AK8: variants seen among roughly 807,000 people sequenced by gnomAD.
AK8 encodes adenylate kinase 8, also known as ATP-AMP transphosphorylase 8.
In AK8, 44 loss-of-function variants were observed where a neutral mutation model predicts 54.6. The observed-to-expected ratio is 0.81, with a 90% CI of 0.63 to 1.04. The LOEUF (loss-of-function observed/expected upper bound fraction) is 1.04. Among genes scored for constraint, AK8 ranks in the 50% least tolerant of loss-of-function variants. The pLI, the probability that AK8 is intolerant of heterozygous loss-of-function variation, is 0.00. For synonymous variants in AK8, 239 were observed against 245.6 expected (o/e 0.97, Z 0.25); for missense variants, 555 against 613.6 (o/e 0.90, Z 1.01).
In AK8 at chr9:132,800,216, G is replaced by A. The variant is rs1046235346; in HGVS notation, c.980-7441C>T. On this transcript the variant is annotated intron_variant, in intron 10 of 12. Transcript: ENST00000298545. ...GCAGCTGGGCCTGCAAGCCCGTCTC[G>A]CTGCCGTCACCAGAAATCCTGCGTG... 5.9e-5 allele frequency among the ~76,000 whole-genome samples: 9 copies of A among 152,292 alleles called. No individual in the cohort carries two copies. In the East Asian group the frequency reaches 7.7e-4, roughly 13 times the overall value.
At chr9:132,747,292 C>T (rs1564379452) in intron 11 of AK8, among the ~76,000 whole-genome samples, 1 of 151,490 alleles carries the variant, frequency 6.6e-6, no homozygotes, top group African/African-American at 2.4e-5. Flanking sequence ...AGGCGTGTGC[C>T]ACCACACCCA....
chr9:132,747,906 C>T (rs1263601814), intron 11 of AK8, among the ~76,000 whole-genome samples: 1 of 151,006 alleles, frequency 6.6e-6, no homozygotes, highest in Admixed American at 6.6e-5. Context: ...CGAGACCAGC[C>T]TGGCCAACAT....
chr9:132,779,134 A>T (rs142480468), intron 11 of AK8, among the ~76,000 whole-genome samples: 158 of 152,304 alleles, frequency 1.0e-3, no homozygotes, highest in Non-Finnish European at 1.9e-3. Context: ...ACCAACCCAT[A>T]GTGAGTAGAT....
chr9:132,727,674 C>T (rs1224658018), intron 11 of AK8, 140 bp from the exon 12 acceptor site: 3 of 722,492 alleles, frequency 4.2e-6, no homozygotes, highest in African/African-American at 1.8e-5. Flanking sequence ...AGCAATGTGC[C>T]TGCAAACCTG....
At chr9:132,818,058 T>C (rs1255554603) in intron 9 of AK8, among the ~76,000 whole-genome samples, 1 of 152,212 alleles carries the variant, frequency 6.6e-6, no homozygotes, top group Non-Finnish European at 1.5e-5. Flanking sequence ...GACAATAGAA[T>C]GACATCTTTA....
In AK8 at chr9:132,839,820, C is replaced by T. The variant is rs552029185; in HGVS notation, c.403-11094G>A. On this transcript the variant is annotated intron_variant, in intron 5 of 12. Transcript: ENST00000298545. ...ATTGTAAAGAAAACATTTTTTTTGC[C>T]GGGGGGGGGGGCGCAGGGACGGAGC... is the stretch of plus-strand genomic sequence containing the variant. Among the ~76,000 whole-genome samples the T allele has an allele frequency of 7.7e-3, 567 of 73,716 alleles. 14 individuals are homozygous for T. The highest frequency in any genetic ancestry group is 0.031 in the African/African-American group (523 of 16,714). 48.4% of individuals were successfully genotyped at this position (73,716 alleles called of 152,430 possible).
intron 11 of AK8, among the ~76,000 whole-genome samples, chr9:132,789,597 C>CAAAAAAAAAAA (rs578003731): frequency 7.0e-5 from 4 of 57,536 alleles, no homozygotes; most frequent in African/African-American, 1.9e-4. Context: ...ACTCATCTCA[C>CAAAAAAAAAAA]AAAAAAAAAA....
intron 4 of AK8, 37 bp downstream of exon 4, chr9:132,863,628 G>A (rs1163085723): frequency 6.8e-7 from 1 of 1,463,330 alleles, no homozygotes; most frequent in African/African-American, 1.4e-5. Context: ...GGGCACTGCT[G>A]CTGTGTGCCT....
chr9:132,752,123 C>A (rs1475647756), intron 11 of AK8, among the ~76,000 whole-genome samples: 1 of 138,518 alleles, frequency 7.2e-6, no homozygotes, highest in Non-Finnish European at 1.5e-5. Context: ...ATTATAGGTG[C>A]GAGCCACCGT....
chr9:132,762,746 A>C (rs975438492), intron 11 of AK8, among the ~76,000 whole-genome samples: 7 of 152,158 alleles, frequency 4.6e-5, no homozygotes, highest in African/African-American at 1.7e-4. Context: ...TCTACTAAAA[A>C]TACAAAAATT....
At chr9:132,774,781 G>A (rs1839135507) in intron 11 of AK8, among the ~76,000 whole-genome samples, 1 of 152,146 alleles carries the variant, frequency 6.6e-6, no homozygotes. Context: ...GTCCACCCGA[G>A]GCATGGAGAT....
At chr9:132,818,680 A>G (rs1219962495) in intron 9 of AK8, among the ~76,000 whole-genome samples, 1 of 152,180 alleles carries the variant, frequency 6.6e-6, no homozygotes, top group African/African-American at 2.4e-5. Flanking sequence ...TGACACAAGT[A>G]GAAAACAAAA....
upstream of AK8, chr9:132,878,604 T>G (rs1206576081): frequency 1.8e-6 from 2 of 1,085,490 alleles, no homozygotes; most frequent in Non-Finnish European, 2.2e-6. This position sits in a 1 kb window ranked among gnomAD's most constrained non-coding sequence, Gnocchi z 4.7. Flanking sequence ...CTGCTTCTGG[T>G]TCTGTCAGTG....
intron 11 of AK8, among the ~76,000 whole-genome samples, chr9:132,747,989 C>T (rs1383061097): frequency 6.6e-6 from 1 of 151,208 alleles, no homozygotes; most frequent in Non-Finnish European, 1.5e-5. Flanking sequence ...GTCTCAGCTA[C>T]TTGGGAGGCT....
chr9:132,749,256 A>C (rs1177652205), intron 11 of AK8, among the ~76,000 whole-genome samples: 1 of 151,982 alleles, frequency 6.6e-6, no homozygotes, highest in Non-Finnish European at 1.5e-5. Context: ...GTTAGGCACA[A>C]CCACCATCCC....
chr9:132,728,007 C>A (rs573652362), intron 11 of AK8, among the ~76,000 whole-genome samples: 2 of 152,302 alleles, frequency 1.3e-5, no homozygotes, highest in East Asian at 3.9e-4. Flanking sequence ...ACAAACTCTT[C>A]TTTCAGTGGG....
intron 5 of AK8, among the ~76,000 whole-genome samples, chr9:132,849,804 G>A (rs1466815454): frequency 2.0e-5 from 3 of 151,996 alleles, no homozygotes; most frequent in Non-Finnish European, 2.9e-5. Flanking sequence ...CTGGAGTGCC[G>A]TGGTGCGTGT....
Position 132,787,388 on chromosome 9 carries a change from G to GA in AK8, c.1121+5245dup, listed in dbSNP as rs879504616. The stretch of plus-strand genomic sequence containing the variant: ...AAGAGCCTACAAACTTCCACAGAAA[G>GA]AAAAAAGTCACGTATGAAGGCTCAG... On this transcript the variant is annotated intron_variant, in intron 11 of 12. Transcript: ENST00000298545. Among the ~76,000 whole-genome samples, 33 of 152,060 alleles carry GA rather than the reference G, an allele frequency of 2.2e-4. 1 individual carries two copies. The highest frequency in any genetic ancestry group is 4.3e-4 in the Non-Finnish European group (29 of 68,012).
At chr9:132,752,575 G>A (rs1441143988) in intron 11 of AK8, among the ~76,000 whole-genome samples, 2 of 152,172 alleles carry the variant, frequency 1.3e-5, no homozygotes, top group East Asian at 3.8e-4. Context: ...TCTACAATAA[G>A]TAGATGCCCT....
Sources: allele counts gnomAD v4.1 joint callset (sites outside exome capture counted in the v4.1 genomes callset), GRCh38; gene constraint gnomAD v4.1.1; non-coding constraint Gnocchi (gnomAD v3.1); transcripts MANE v1.5; gene names NCBI Gene and HGNC (gene_info 2026-07-23, HGNC 2026-07-21).